DNAH5: variants seen among roughly 807,000 people sequenced by gnomAD.
DNAH5 encodes the protein axonemal beta dynein heavy chain 5.
DNAH5 carries 372 observed loss-of-function variants against 518.2 expected under a neutral mutation model. The ratio of observed to expected loss-of-function variants is 0.72; its 90% confidence interval spans 0.66 to 0.78. The LOEUF (loss-of-function observed/expected upper bound fraction) is 0.78, where lower values mean the gene tolerates loss of function less well. Among genes scored for constraint, DNAH5 ranks in the 30% least tolerant of loss-of-function variants. The pLI is 0.00. For missense variants in DNAH5, 5,523 were observed against 5,687.0 expected, an observed-to-expected ratio of 0.97 and a Z score of 0.93; for synonymous variants, 2,039 against 2,025.9, an observed-to-expected ratio of 1.01 and a Z score of -0.17.
chr5:13,928,628 C>A (rs565015160), intron 2 of DNAH5, among the ~76,000 whole-genome samples: 1 of 152,170 alleles, frequency 6.6e-6, no homozygotes, highest in South Asian at 2.1e-4. Flanking sequence ...ACTATGAACA[C>A]ACCTTCCAGT....
intron 65 of DNAH5, among the ~76,000 whole-genome samples, chr5:13,748,063 T>G (rs1171563665): frequency 1.3e-5 from 2 of 152,198 alleles, no homozygotes; most frequent in African/African-American, 4.8e-5. Context: ...GTATAAGATG[T>G]AAGGAAGGGA....
intron 35 of DNAH5, among the ~76,000 whole-genome samples, chr5:13,838,856 T>C (rs926571732): frequency 2.0e-5 from 3 of 151,692 alleles, no homozygotes; most frequent in Admixed American, 6.6e-5. Context: ...TCTAGGGAGG[T>C]TGCAGTGGCA....
chr5:13,960,111 C>CAAA (rs78100175), intron 1 of DNAH5, among the ~76,000 whole-genome samples: 3,651 of 139,788 alleles, frequency 0.026, 47 homozygotes, highest in South Asian at 0.061. Flanking sequence ...CTTTTATCTT[C>CAAA]AAAAAAAAAA....
chr5:14,011,418 CCCT>C (rs1785110364), intron 1 of DNAH5, among the ~76,000 whole-genome samples: 1 of 152,080 alleles, frequency 6.6e-6, no homozygotes, highest in South Asian at 2.1e-4. Context: ...GACAACTACC[CCCT>C]GAGGAAAAAA....
intron 65 of DNAH5, among the ~76,000 whole-genome samples, chr5:13,750,584 A>G (rs1161407696): frequency 6.6e-6 from 1 of 152,204 alleles, no homozygotes; most frequent in South Asian, 2.1e-4. Context: ...CCATCAGGAC[A>G]TACTACAGGG....
chr5:13,867,713 C>A (rs1341895171), intron 25 of DNAH5, 61 bp downstream of exon 25: 7 of 1,289,244 alleles, frequency 5.4e-6, no homozygotes, highest in Non-Finnish European at 7.9e-6. Context: ...TAGACAACTA[C>A]ATTTTGCATG....
chr5:13,961,598 C>T (rs1333027191), intron 1 of DNAH5, among the ~76,000 whole-genome samples: 2 of 152,118 alleles, frequency 1.3e-5, no homozygotes, highest in Non-Finnish European at 2.9e-5. Context: ...GAGCCAAGAT[C>T]ACATCACTGC....
intron 1 of DNAH5, among the ~76,000 whole-genome samples, chr5:13,932,941 T>G (rs1778557255): frequency 6.6e-6 from 1 of 152,240 alleles, no homozygotes; most frequent in Non-Finnish European, 1.5e-5. Context: ...AGGTTCTCAA[T>G]TTAGCACGAT....
At chr5:13,817,522 A>T (rs748029385) in intron 42 of DNAH5, 26 bp downstream of exon 42, 1 of 1,610,400 alleles carries the variant, frequency 6.2e-7, no homozygotes, top group Non-Finnish European at 8.5e-7. Flanking sequence ...TATAATCAAA[A>T]ATAATCCTTG....
At chr5:13,723,617 G>A (rs1035155343) in intron 70 of DNAH5, among the ~76,000 whole-genome samples, 1 of 152,198 alleles carries the variant, frequency 6.6e-6, no homozygotes, top group African/African-American at 2.4e-5. Flanking sequence ...CTCCGCCATT[G>A]TTGCACAAAA....
chr5:13,980,333 T>C (rs565320056), intron 1 of DNAH5, among the ~76,000 whole-genome samples: 1 of 152,230 alleles, frequency 6.6e-6, no homozygotes, highest in South Asian at 2.1e-4. Context: ...TCCAATTTCT[T>C]ATCTCCAACC....
chr5:13,827,654 G>A (rs1364709720), intron 38 of DNAH5, among the ~76,000 whole-genome samples: 1 of 151,594 alleles, frequency 6.6e-6, no homozygotes, highest in Non-Finnish European at 1.5e-5. Flanking sequence ...GGGCACGACT[G>A]TATTATGAAT....
chr5:13,882,490 G>T lies in DNAH5; in HGVS notation c.3262+238C>A, dbSNP rs191385460. 2.0e-5 allele frequency among the ~76,000 whole-genome samples: 3 copies of T among 152,184 alleles called. No homozygotes were observed. In the East Asian group the frequency reaches 5.8e-4, roughly 29 times the overall value. ...ATGATTAAGTGAAATTTATCCCCTG[G>T]ATGCAAGATTGGTTCAATATATGCA... On this transcript the variant is annotated intron_variant, in intron 21 of 78. Transcript: ENST00000265104.
At chr5:13,829,451 T>C in intron 38 of DNAH5, 59 bp downstream of exon 38, 2 of 1,567,672 alleles carry the variant, frequency 1.3e-6, no homozygotes, top group Non-Finnish European at 1.8e-6. Context: ...AATGAGAACA[T>C]TCTGCTGAAT....
chr5:13,807,731 A>G lies in DNAH5; in HGVS notation c.7753-6T>C. 1 of 1,600,334 alleles carries G rather than the reference A, an allele frequency of 6.2e-7. No homozygotes were observed. Among genetic ancestry groups the G allele is most frequent in the Non-Finnish European group, 8.5e-7 (1 of 1,171,182 alleles). ...TCACCAATTAATAGCACAGCCTAAAATAGAGGGAATTGAAAAAAAAAGAAA... is the reference window on the plus strand; with the variant it reads ...TCACCAATTAATAGCACAGCCTAAAGTAGAGGGAATTGAAAAAAAAAGAAA... On this transcript the variant is annotated splice_polypyrimidine_tract_variant and splice_region_variant and intron_variant, in intron 46 of 78. Transcript: ENST00000265104.
chr5:13,752,926 T>A (rs1193641519), intron 63 of DNAH5, among the ~76,000 whole-genome samples: 1 of 152,238 alleles, frequency 6.6e-6, no homozygotes, highest in Non-Finnish European at 1.5e-5. Flanking sequence ...GAAGTATTCA[T>A]GCAAAGTGCT....
intron 1 of DNAH5, among the ~76,000 whole-genome samples, chr5:14,002,748 CT>C (rs1403879344): frequency 1.3e-5 from 2 of 151,940 alleles, no homozygotes; most frequent in Non-Finnish European, 2.9e-5. Flanking sequence ...TTTGAGTTTA[CT>C]TTTTTAAAAA....
chr5:13,994,297 A>G (rs890082552), intron 1 of DNAH5, among the ~76,000 whole-genome samples: 11 of 152,154 alleles, frequency 7.2e-5, no homozygotes. Flanking sequence ...CCCAACAAGC[A>G]AAGACAACTT....
At chr5:13,963,637 A>G (rs776424635) in intron 1 of DNAH5, among the ~76,000 whole-genome samples, 34 of 151,234 alleles carry the variant, frequency 2.2e-4, no homozygotes, top group Non-Finnish European at 1.2e-4. Context: ...TACACATAAG[A>G]TAATGTCTGA....
Sources: gnomAD v4.1 joint callset for allele counts (sites outside exome capture counted in the v4.1 genomes callset) on GRCh38, gnomAD v4.1.1 for gene constraint, MANE v1.5 for transcripts, NCBI Gene and HGNC (gene_info 2026-07-23, HGNC 2026-07-21) for gene names.